Variants in LRP1B observed in about 807,000 individuals in gnomAD.
LRP1B encodes low-density lipoprotein receptor-related protein 1B.
A neutral mutation model predicts 556.6 loss-of-function variants in LRP1B; 217 were observed. The observed-to-expected ratio is 0.39, with a 90% confidence interval of 0.35 to 0.44. The LOEUF is 0.44. Among genes scored for constraint, LRP1B ranks in the 20% least tolerant of loss-of-function variants. LRP1B has a pLI of 1.00. For synonymous variants in LRP1B, 2,047 were observed against 1,865.8 expected (o/e 1.10, Z -2.50); for missense variants, 5,053 against 5,620.8 (o/e 0.90, Z 3.23).
intron 77 of LRP1B, among the ~76,000 whole-genome samples, chr2:140,343,019 G>A (rs1218521760): frequency 1.3e-5 from 2 of 151,290 alleles, no homozygotes; most frequent in Non-Finnish European, 3.0e-5. Flanking sequence ...TTTTGTGTGT[G>A]GGGTGTATAT....
intron 86 of LRP1B, among the ~76,000 whole-genome samples, chr2:140,265,212 G>A (rs1682143193): frequency 6.6e-6 from 1 of 152,044 alleles, no homozygotes; most frequent in African/African-American, 2.4e-5. Flanking sequence ...CTTCACAGTA[G>A]TAGTGATTTC....
chr2:141,533,065 C>T (rs1559125183), intron 2 of LRP1B, among the ~76,000 whole-genome samples: 1 of 152,104 alleles, frequency 6.6e-6, no homozygotes, highest in Non-Finnish European at 1.5e-5. Flanking sequence ...ACCTCAATGC[C>T]TGAACCAATT....
At chr2:141,060,049 C>A (rs1420205770) in intron 8 of LRP1B, among the ~76,000 whole-genome samples, 1 of 151,618 alleles carries the variant, frequency 6.6e-6, no homozygotes, top group South Asian at 2.1e-4. Context: ...AAAGTATGTG[C>A]GGTTTGATTA....
intron 10 of LRP1B, among the ~76,000 whole-genome samples, chr2:141,052,809 T>C (rs1390509794): frequency 6.6e-6 from 1 of 151,934 alleles, no homozygotes; most frequent in African/African-American, 2.4e-5. Context: ...GTCTAATTTT[T>C]GTAGCTTTTT....
rs969917624 is a variant in LRP1B, at chr2:140,789,070, T to C, written c.5360-12832A>G. On this transcript the variant is annotated intron_variant, in intron 32 of 90. Coordinates refer to ENST00000389484, the MANE Select transcript of LRP1B (RefSeq NM_018557.3). ...TCTATTGTTTAAGATACCCAGCTTG[T>C]GGTATTCTGTTATGGGCCCTAGGAG... 1.2e-4 allele frequency among the ~76,000 whole-genome samples: 18 copies of C among 152,148 alleles called. 1 individual carries two copies. The highest frequency in any genetic ancestry group is 4.3e-4 in the African/African-American group (18 of 41,432).
chr2:140,676,922 T>G (rs1360149564), intron 41 of LRP1B, among the ~76,000 whole-genome samples: 1 of 152,242 alleles, frequency 6.6e-6, no homozygotes, highest in Non-Finnish European at 1.5e-5. Flanking sequence ...ATTCTAACTC[T>G]CTAGTTTTTC....
intron 41 of LRP1B, chr2:140,683,760 T>G: frequency 1.0e-6 from 1 of 966,946 alleles, no homozygotes; most frequent in African/African-American, 1.6e-5. Context: ...TCTCAGTCTC[T>G]CTCTCCTGAC....
At chr2:141,829,625 C>T (rs1368258068) in intron 1 of LRP1B, among the ~76,000 whole-genome samples, 3 of 151,946 alleles carry the variant, frequency 2.0e-5, no homozygotes, top group Non-Finnish European at 4.4e-5. Context: ...GATTTCTGGA[C>T]TCTAAAACAA....
intron 32 of LRP1B, among the ~76,000 whole-genome samples, chr2:140,810,947 C>T (rs185242264): frequency 2.0e-5 from 3 of 152,118 alleles, no homozygotes; most frequent in Non-Finnish European, 2.9e-5. Flanking sequence ...ATGTTGACCA[C>T]GCTGGTCTTG....
chr2:141,874,893 A>G (rs1489477566), intron 1 of LRP1B, among the ~76,000 whole-genome samples: 1 of 151,954 alleles, frequency 6.6e-6, no homozygotes, highest in Non-Finnish European at 1.5e-5. Context: ...TTATACATTT[A>G]ACTGTGCACC....
chr2:141,576,806 CA>C (rs990794689), intron 2 of LRP1B, among the ~76,000 whole-genome samples: 1 of 145,606 alleles, frequency 6.9e-6, no homozygotes, highest in Non-Finnish European at 1.5e-5. Flanking sequence ...CATTAATACT[CA>C]GGTCTTTTCT....
intron 20 of LRP1B, among the ~76,000 whole-genome samples, chr2:140,928,753 A>G (rs1694960453): frequency 6.6e-6 from 1 of 152,140 alleles, no homozygotes; most frequent in African/African-American, 2.4e-5. Flanking sequence ...AAGGGTGATT[A>G]CAGAAGGTGA....
chr2:140,490,213 C>T (rs72899876), intron 57 of LRP1B, among the ~76,000 whole-genome samples: 12,860 of 152,050 alleles, frequency 0.085, 933 homozygotes, highest in East Asian at 0.24. Context: ...GTTTCTCACA[C>T]AATTTTACTG....
At chr2:140,510,833 C>T (rs1689620706) in intron 51 of LRP1B, among the ~76,000 whole-genome samples, 1 of 152,018 alleles carries the variant, frequency 6.6e-6, no homozygotes, top group Admixed American at 6.6e-5. Context: ...ACAAAGGGTT[C>T]CTCTTTCCTT....
chr2:141,464,606 A>ATTT (rs71391651), intron 3 of LRP1B, among the ~76,000 whole-genome samples: 6 of 90,558 alleles, frequency 6.6e-5, no homozygotes, highest in South Asian at 3.2e-4. Flanking sequence ...ATATATATAT[A>ATTT]TTTTTTTAGT....
intron 35 of LRP1B, among the ~76,000 whole-genome samples, chr2:140,761,304 T>G (rs2104915765): frequency 6.6e-6 from 1 of 152,228 alleles, no homozygotes; most frequent in Non-Finnish European, 1.5e-5. Context: ...CTTTAGAAAA[T>G]AATGTGTGGG....
chr2:140,911,505 C>A (rs1694418846), intron 21 of LRP1B, among the ~76,000 whole-genome samples: 1 of 151,770 alleles, frequency 6.6e-6, no homozygotes, highest in African/African-American at 2.4e-5. Flanking sequence ...ACAGATTCAA[C>A]AGCCTTCTTG....
intron 2 of LRP1B, among the ~76,000 whole-genome samples, chr2:141,663,162 A>G (rs755701833): frequency 7.2e-5 from 11 of 152,204 alleles, no homozygotes; most frequent in African/African-American, 2.7e-4. Flanking sequence ...ACAACATACC[A>G]GAATATCTGG....
At chr2:141,008,046 T>C (rs1461200743) in intron 14 of LRP1B, among the ~76,000 whole-genome samples, 1 of 151,422 alleles carries the variant, frequency 6.6e-6, no homozygotes, top group Non-Finnish European at 1.5e-5. Flanking sequence ...CATTAATATG[T>C]TCCAGATAGA....
Sources: gnomAD v4.1 joint callset for allele counts (sites outside exome capture counted in the v4.1 genomes callset) on GRCh38, gnomAD v4.1.1 for gene constraint, MANE v1.5 for transcripts, NCBI Gene and HGNC (gene_info 2026-07-23, HGNC 2026-07-21) for gene names.